Variants in MEIS3 observed in about 807,000 individuals in gnomAD.
MEIS3 encodes the protein homeobox protein Meis3.
In MEIS3, 38 loss-of-function variants were observed where a neutral mutation model predicts 51.4. That is an observed-to-expected ratio of 0.74 (90% CI 0.57 to 0.97). MEIS3 has a LOEUF of 0.97. Ranked by LOEUF, MEIS3 falls within the 50% of genes least tolerant of loss-of-function variation. The pLI is 0.00. For missense variants in MEIS3, 456 were observed against 502.6 expected (o/e 0.91, Z 0.89); for synonymous variants, 198 against 201.8 (o/e 0.98, Z 0.16).
At chr19:47,410,489 G>C (rs899440335) in intron 6 of MEIS3, among the ~76,000 whole-genome samples, 3 of 151,018 alleles carry the variant, frequency 2.0e-5, no homozygotes, top group African/African-American at 4.9e-5. Context: ...AAGAAGGGCC[G>C]GGCGCGATGG....
chr19:47,406,460 C>G lies in MEIS3; in HGVS notation c.*17G>C, dbSNP rs746551209. ...ATCCCCAGCCCTTAGACCCTCACACCTCTCCTGCATCAGCCTCTATAGATA... is the reference window on the plus strand; with the variant it reads ...ATCCCCAGCCCTTAGACCCTCACACGTCTCCTGCATCAGCCTCTATAGATA... On this transcript the variant is annotated splice_region_variant and 3_prime_UTR_variant, in exon 12 of 13. Transcript: ENST00000558555. The G allele has an allele frequency of 6.2e-7, 1 of 1,612,954 alleles. No homozygotes were observed. Among genetic ancestry groups the G allele is most frequent in the Non-Finnish European group, 8.5e-7 (1 of 1,179,410 alleles).
chr19:47,408,272 G>C (rs914147195), intron 8 of MEIS3, among the ~76,000 whole-genome samples: 7 of 152,082 alleles, frequency 4.6e-5, no homozygotes, highest in Admixed American at 4.6e-4. Context: ...GATCACAGGT[G>C]TGTGCCACCA....
intron 6 of MEIS3, 66 bp downstream of exon 6, chr19:47,414,651 C>A (rs1971303136): frequency 6.6e-7 from 1 of 1,522,632 alleles, no homozygotes; most frequent in South Asian, 1.2e-5. Context: ...TGCACATGCG[C>A]CCTCATGCGG....
chr19:47,415,018 A>G, intron 5 of MEIS3, 33 bp downstream of exon 5: 3 of 1,519,364 alleles, frequency 2.0e-6, no homozygotes, highest in Non-Finnish European at 2.7e-6. Context: ...TGACAGGGGC[A>G]AGTGAGGGTG....
chr19:47,403,658 G>C (rs1371863149), intron 12 of MEIS3, 105 bp from the exon 13 acceptor site: 2 of 337,552 alleles, frequency 5.9e-6, no homozygotes, highest in African/African-American at 4.4e-5. Flanking sequence ...GGGGGACACA[G>C]AGAGAGTGGC....
chr19:47,420,461 G>A (rs1361944466), upstream of MEIS3, among the ~76,000 whole-genome samples: 2 of 151,648 alleles, frequency 1.3e-5, no homozygotes, highest in Admixed American at 1.3e-4. Flanking sequence ...GGGGGCACCT[G>A]GGATGGGGAT....
At chr19:47,413,941 T>C (rs1165685712) in intron 6 of MEIS3, among the ~76,000 whole-genome samples, 3 of 151,904 alleles carry the variant, frequency 2.0e-5, no homozygotes, top group East Asian at 3.9e-4. Flanking sequence ...TTCACCGTGT[T>C]AGCCAGAATG....
At chr19:47,413,640 T>C (rs1971246758) in intron 6 of MEIS3, among the ~76,000 whole-genome samples, 1 of 152,066 alleles carries the variant, frequency 6.6e-6, no homozygotes, top group South Asian at 2.1e-4. Context: ...CTGTGTGTGT[T>C]TTCCGTCTGG....
chr19:47,414,821 G>A lies in MEIS3; in HGVS notation c.493C>T (p.Leu165Phe), dbSNP rs1971316158. Residue 165 changes from leucine to phenylalanine, a missense_variant, in exon 6 of 13, where the codon CTC becomes TTC. Physicochemically the swap from Leu to Phe is conservative, Grantham distance 22 (BLOSUM62 0). Coordinates refer to ENST00000558555, the MANE Select transcript of MEIS3 (RefSeq NM_001301059.2). ...DNFCHRYITC[L>F]KGKMPIDLVI... is the part of the protein sequence containing the mutation. ...AGGTCGATGGGCATCTTTCCCTTGAGGCAGGTGATGTAGCGGTGACAGAAG... is the reference window on the plus strand; with the variant it reads ...AGGTCGATGGGCATCTTTCCCTTGAAGCAGGTGATGTAGCGGTGACAGAAG... The A allele has an allele frequency of 1.2e-6, 2 of 1,613,504 alleles. No homozygotes were observed. The highest frequency in any genetic ancestry group is 1.7e-6 in the Non-Finnish European group (2 of 1,179,910).
chr19:47,418,759 G>C lies in MEIS3; in HGVS notation c.12+311C>G, dbSNP rs569269775. On this transcript the variant is annotated intron_variant, in intron 1 of 12. Coordinates refer to ENST00000558555, the MANE Select transcript of MEIS3 (RefSeq NM_001301059.2). Reference sequence around the variant, plus strand: ...AGGCAGAAAGAGGGGGGAGACCAGGGACAGAGAGAGGGGGACAGAGAGGCA... The same window carrying C: ...AGGCAGAAAGAGGGGGGAGACCAGGCACAGAGAGAGGGGGACAGAGAGGCA... 4.5e-3 allele frequency: 1,253 copies of C among 280,476 alleles called. 15 individuals carry two copies. The highest frequency in any genetic ancestry group is 0.024 in the African/African-American group (1,023 of 42,072). The allele number at this position is 280,476 out of a possible 1,614,324, so 17.4% of individuals were successfully genotyped here.
At chr19:47,407,885 G>A (rs1488333442) in intron 8 of MEIS3, among the ~76,000 whole-genome samples, 9 of 152,120 alleles carry the variant, frequency 5.9e-5, no homozygotes, top group Non-Finnish European at 2.9e-5. Flanking sequence ...TCTGCTCACC[G>A]CAAACTCCGC....
At chr19:47,413,726 G>A (rs1340242198) in intron 6 of MEIS3, among the ~76,000 whole-genome samples, 3 of 150,886 alleles carry the variant, frequency 2.0e-5, no homozygotes, top group Non-Finnish European at 4.4e-5. Context: ...TGCTGGGTTT[G>A]ATTCTTTTTT....
At position 47,417,676 on chromosome 19, in the gene MEIS3, GAGAC is replaced by G. The variant is rs758031693; in HGVS notation, c.13-330_13-327del. ...GAAGACAGTGACAGAGACAGAGAGA[GAGAC>G]AGACAGAGAGGGAGATCCATGGACA... On this transcript the variant is annotated intron_variant, in intron 1 of 12. Coordinates refer to ENST00000558555, the MANE Select transcript of MEIS3 (RefSeq NM_001301059.2). 54 of 702,762 alleles carry G rather than the reference GAGAC, an allele frequency of 7.7e-5. No individual in the cohort carries two copies. In the Admixed American group the frequency reaches 9.6e-4, roughly 12 times the overall value. 43.5% of individuals were successfully genotyped at this position (702,762 alleles called of 1,614,324 possible).
At chr19:47,419,892 G>T (rs2122584111), upstream of MEIS3, among the ~76,000 whole-genome samples, 1 of 152,248 alleles carries the variant, frequency 6.6e-6, no homozygotes, top group South Asian at 2.1e-4. Context: ...ATCTCCAGGG[G>T]TCACGTGGGA....
intron 12 of MEIS3, among the ~76,000 whole-genome samples, chr19:47,404,458 T>C (rs779332076): frequency 2.0e-5 from 3 of 152,026 alleles, no homozygotes; most frequent in South Asian, 2.1e-4. Flanking sequence ...GGCCCTGAAT[T>C]CATTAGCCAC....
rs1487980986 is a variant in MEIS3, at chr19:47,407,092, T to C, written c.981A>G (p.Gln327=). 1.9e-6 allele frequency: 3 copies of C among 1,611,424 alleles called. No individual in the cohort carries two copies. The highest frequency in any genetic ancestry group is 3.4e-5 in the Admixed American group (2 of 59,564). The change falls in exon 10 of 13, where the codon CAA becomes CAG. Residue 327 remains glutamine (Q), a synonymous_variant. Coordinates refer to ENST00000558555, the MANE Select transcript of MEIS3 (RefSeq NM_001301059.2). The part of the protein sequence containing the change: ...RRRIVQPMID[Q]SNRTGQGAAF... ...TTCCCCCTGTACCTGTGCGGTTGGA[T>C]TGATCGATCATAGGTTGCACGATGC...
upstream of MEIS3, among the ~76,000 whole-genome samples, chr19:47,420,205 T>C (rs1276191018): frequency 6.6e-6 from 1 of 152,184 alleles, no homozygotes; most frequent in Non-Finnish European, 1.5e-5. Flanking sequence ...AGCAGAAAAT[T>C]AATTTAAATC....
chr19:47,417,987 T>C, intron 1 of MEIS3: 1 of 456,912 alleles, frequency 2.2e-6, no homozygotes, highest in Non-Finnish European at 3.9e-6. Context: ...AATGCATGAT[T>C]GAGACATTTG....
chr19:47,417,481 C>T (rs1971502987), intron 1 of MEIS3, 131 bp from the exon 2 acceptor site: 1 of 1,162,326 alleles, frequency 8.6e-7, no homozygotes, highest in Admixed American at 2.0e-5. Context: ...CCTGTGGTCC[C>T]CAGGTGTCTG....
Sources: allele counts gnomAD v4.1 joint callset (sites outside exome capture counted in the v4.1 genomes callset), GRCh38; gene constraint gnomAD v4.1.1; transcripts MANE v1.5; gene names NCBI Gene and HGNC (gene_info 2026-07-23, HGNC 2026-07-21).